Variants in GPC6 observed in about 807,000 individuals in gnomAD.
GPC6 encodes the protein glypican-6.
A neutral mutation model predicts 55.2 loss-of-function variants in GPC6; 14 were observed. That is an observed-to-expected ratio of 0.25 (90% confidence interval 0.17 to 0.40). GPC6 has a LOEUF of 0.40. GPC6 is among the 10% of genes least tolerant of loss of function. The pLI is 1.00. For synonymous variants in GPC6, 278 were observed against 259.6 expected (o/e 1.07, Z -0.68); for missense variants, 641 against 708.5 (o/e 0.90, Z 1.08).
intron 3 of GPC6, among the ~76,000 whole-genome samples, chr13:93,878,270 T>C (rs912541160): frequency 6.6e-6 from 1 of 152,034 alleles, no homozygotes; most frequent in Non-Finnish European, 1.5e-5. Flanking sequence ...AATTAGGCCA[T>C]GAGGGTTCCA....
Position 94,199,032 on chromosome 13 carries a change from A to T in GPC6, c.878-87317A>T, listed in dbSNP as rs145043705. On this transcript the variant is annotated intron_variant, in intron 4 of 8. Coordinates refer to ENST00000377047, the MANE Select transcript of GPC6 (RefSeq NM_005708.5). ...CCAGTAGAACCAATCCACCATGGAG[A>T]GTTTAGGGCAATGGCATGCCAGGTT... Among the ~76,000 whole-genome samples the T allele has an allele frequency of 9.1e-3, 1,385 of 152,176 alleles. 13 individuals are homozygous for T. The highest frequency in any genetic ancestry group is 0.014 in the Non-Finnish European group (962 of 68,006).
At chr13:93,712,496 A>G (rs1319569252) in intron 2 of GPC6, among the ~76,000 whole-genome samples, 1 of 151,652 alleles carries the variant, frequency 6.6e-6, no homozygotes, top group African/African-American at 2.4e-5. Context: ...ATTAAGTGAT[A>G]ATAATCTGAT....
At chr13:94,317,552 C>T (rs1876603470) in intron 6 of GPC6, among the ~76,000 whole-genome samples, 1 of 152,124 alleles carries the variant, frequency 6.6e-6, no homozygotes, top group Admixed American at 6.5e-5. Context: ...TCCAGTTACT[C>T]AGGAAAATCA....
At chr13:94,182,371 G>A (rs780317455) in intron 4 of GPC6, among the ~76,000 whole-genome samples, 31 of 152,308 alleles carry the variant, frequency 2.0e-4, no homozygotes, top group Middle Eastern at 6.8e-3. Flanking sequence ...GTGATTCCAG[G>A]TGTTGGGACT....
chr13:93,670,417 C>A (rs1054185483), intron 2 of GPC6, among the ~76,000 whole-genome samples: 19 of 152,084 alleles, frequency 1.2e-4, no homozygotes, highest in Non-Finnish European at 2.8e-4. Flanking sequence ...AAGAGAGTCA[C>A]TAAATGGCTT....
intron 2 of GPC6, among the ~76,000 whole-genome samples, chr13:93,814,416 A>G (rs2138955783): frequency 6.6e-6 from 1 of 152,292 alleles, no homozygotes; most frequent in African/African-American, 2.4e-5. Flanking sequence ...AGTTATGCTA[A>G]ATCATTGGTA....
At chr13:93,776,376 A>G (rs1261945603) in intron 2 of GPC6, among the ~76,000 whole-genome samples, 1 of 152,176 alleles carries the variant, frequency 6.6e-6, no homozygotes, top group Admixed American at 6.5e-5. Context: ...TGAGACTGAA[A>G]GTACTTAAAT....
At chr13:93,479,608 A>ACCC (rs35932826) in intron 1 of GPC6, among the ~76,000 whole-genome samples, 6,431 of 140,704 alleles carry the variant, frequency 0.046, 426 homozygotes, top group East Asian at 0.28. Flanking sequence ...ACGTGGTGAG[A>ACCC]CCCCCCCCCA....
intron 2 of GPC6, among the ~76,000 whole-genome samples, chr13:93,770,895 T>TC (rs1209034052): frequency 2.6e-5 from 4 of 152,132 alleles, no homozygotes; most frequent in Admixed American, 6.6e-5. Flanking sequence ...GTTTTTTTTT[T>TC]CATCCTTAGG....
At chr13:93,734,169 C>A (rs1442953577) in intron 2 of GPC6, among the ~76,000 whole-genome samples, 1 of 152,072 alleles carries the variant, frequency 6.6e-6, no homozygotes, top group Non-Finnish European at 1.5e-5. Context: ...GGCTTGAAAT[C>A]CCACAAATAA....
rs1039797125 is a variant in GPC6, at chr13:93,267,507, A to G, written c.160+39891A>G. Among the ~76,000 whole-genome samples the G allele has an allele frequency of 2.6e-5, 4 of 152,172 alleles. No individual in the cohort carries two copies. In the East Asian group the frequency reaches 5.8e-4, roughly 22 times the overall value. ...AATTACAGCTAAATTTTCACTTTGCATGCTAGAAGCTTCAATTCCTTTGCC... is the reference window on the plus strand; with the variant it reads ...AATTACAGCTAAATTTTCACTTTGCGTGCTAGAAGCTTCAATTCCTTTGCC... On this transcript the variant is annotated intron_variant, in intron 1 of 8. Transcript: ENST00000377047.
intron 3 of GPC6, among the ~76,000 whole-genome samples, chr13:93,977,435 T>C (rs1434495438): frequency 2.0e-5 from 3 of 151,050 alleles, no homozygotes; most frequent in African/African-American, 2.4e-5. Flanking sequence ...CCAAGCCAAA[T>C]TGGTTTTCTA....
At chr13:93,429,502 T>C (rs1188365092) in intron 1 of GPC6, among the ~76,000 whole-genome samples, 5 of 152,148 alleles carry the variant, frequency 3.3e-5, no homozygotes, top group Non-Finnish European at 7.4e-5. Flanking sequence ...CTCCTGATAA[T>C]TGCCTCTGTC....
intron 6 of GPC6, among the ~76,000 whole-genome samples, chr13:94,327,346 T>G (rs1279950398): frequency 2.0e-5 from 3 of 152,150 alleles, no homozygotes; most frequent in East Asian, 1.9e-4. Context: ...GCAGATGTTT[T>G]TCTCTTCTCC....
chr13:94,007,008 C>T (rs1286318354), intron 3 of GPC6, among the ~76,000 whole-genome samples: 1 of 152,126 alleles, frequency 6.6e-6, no homozygotes, highest in African/African-American at 2.4e-5. Flanking sequence ...TAGTTCCCTC[C>T]TTAGTCACTA....
chr13:93,301,904 A>C (rs989026568), intron 1 of GPC6, among the ~76,000 whole-genome samples: 14 of 152,338 alleles, frequency 9.2e-5, no homozygotes, highest in African/African-American at 3.4e-4. Flanking sequence ...CCGATGGATT[A>C]TTTGGCATAA....
At chr13:94,199,988 C>G (rs959883363) in intron 4 of GPC6, among the ~76,000 whole-genome samples, 2 of 152,052 alleles carry the variant, frequency 1.3e-5, no homozygotes, top group Admixed American at 1.3e-4. Flanking sequence ...GAAACCCTGT[C>G]TTTACTGAAC....
At chr13:93,957,813 G>A (rs1261267225) in intron 3 of GPC6, among the ~76,000 whole-genome samples, 1 of 152,102 alleles carries the variant, frequency 6.6e-6, no homozygotes, top group East Asian at 1.9e-4. Flanking sequence ...CTTTCCACAG[G>A]GGTTGAACTA....
At position 94,398,442 on chromosome 13, in the gene GPC6, G is replaced by A. The variant is rs766941736; in HGVS notation, c.1290-24G>A. ...AGTTTCTGTGGCATCTCCCTGAGGT[G>A]TTCTCTCACTCTCTGCCTTGCAGAT... On this transcript the variant is annotated intron_variant, in intron 7 of 8. Coordinates refer to ENST00000377047, the MANE Select transcript of GPC6 (RefSeq NM_005708.5). The A allele has an allele frequency of 1.1e-5, 17 of 1,582,756 alleles. 1 individual carries two copies. The East Asian group carries it at 2.0e-4, about 19-fold the overall frequency.
Sources: allele counts gnomAD v4.1 joint callset (sites outside exome capture counted in the v4.1 genomes callset), GRCh38; gene constraint gnomAD v4.1.1; transcripts MANE v1.5; gene names NCBI Gene and HGNC (gene_info 2026-07-23, HGNC 2026-07-21).